EMP2: variants seen among roughly 807,000 people sequenced by gnomAD.
The protein encoded by EMP2 is epithelial membrane protein 2.
A neutral mutation model predicts 13.7 loss-of-function variants in EMP2; 19 were observed. That is an observed-to-expected ratio of 1.38 (90% CI 0.97 to 2.03). EMP2 has a LOEUF of 2.03. Among genes scored for constraint, EMP2 ranks in the 30% most tolerant of loss-of-function variants. The pLI is 0.00. For synonymous variants in EMP2, 97 were observed against 84.7 expected (o/e 1.15, Z -0.80); for missense variants, 253 against 220.7 (o/e 1.15, Z -0.93).
rs8062279 is a variant in EMP2 at position 10,551,922 on chromosome 16, G to A, written c.-60-4245C>T. ...TTGAGACCCAGGACACACTAACAATGAGCCAGGAGCTGTATGGCTGCAGAA... is the reference window on the plus strand; with the variant it reads ...TTGAGACCCAGGACACACTAACAATAAGCCAGGAGCTGTATGGCTGCAGAA... On this transcript the variant is annotated intron_variant, in intron 1 of 4. Coordinates refer to ENST00000359543, the MANE Select transcript of EMP2 (RefSeq NM_001424.6). 7.5e-3 allele frequency among the ~76,000 whole-genome samples: 1,137 copies of A among 152,190 alleles called. 8 individuals are homozygous for A. Among genetic ancestry groups the A allele is most frequent in the Non-Finnish European group, 0.013 (863 of 68,026 alleles).
intron 1 of EMP2, among the ~76,000 whole-genome samples, chr16:10,566,853 T>TA (rs555979749): frequency 5.3e-5 from 8 of 151,350 alleles, no homozygotes; most frequent in Admixed American, 1.3e-4. Context: ...CACAGAGAGC[T>TA]AAAAAAAAAC....
At chr16:10,534,564 G>C (rs533815887) in intron 4 of EMP2, among the ~76,000 whole-genome samples, 3 of 151,914 alleles carry the variant, frequency 2.0e-5, no homozygotes, top group Non-Finnish European at 4.4e-5. Flanking sequence ...CCAGGAGCTC[G>C]AGACCAGCCT....
At chr16:10,555,280 C>T (rs181200753) in intron 1 of EMP2, among the ~76,000 whole-genome samples, 16 of 152,264 alleles carry the variant, frequency 1.1e-4, no homozygotes, top group African/African-American at 2.9e-4. Context: ...CACTTTGAAG[C>T]ATAACTTTCG....
chr16:10,551,544 C>T (rs1186058361), intron 1 of EMP2, among the ~76,000 whole-genome samples: 8 of 152,100 alleles, frequency 5.3e-5, no homozygotes, highest in African/African-American at 1.9e-4. Flanking sequence ...GTAGCTGGGA[C>T]TACAGGCACG....
chr16:10,541,154 G>C (rs1238982981), intron 3 of EMP2, among the ~76,000 whole-genome samples: 1 of 151,916 alleles, frequency 6.6e-6, no homozygotes, highest in Non-Finnish European at 1.5e-5. Context: ...AAAAACCCCA[G>C]CACTTTGGGA....
At chr16:10,567,523 C>T (rs976754938) in intron 1 of EMP2, among the ~76,000 whole-genome samples, 12 of 152,312 alleles carry the variant, frequency 7.9e-5, no homozygotes, top group African/African-American at 2.4e-4. Context: ...GGCTCTGGAA[C>T]ACACCAAGGT....
intron 1 of EMP2, among the ~76,000 whole-genome samples, chr16:10,550,916 A>G (rs188583472): frequency 1.2e-3 from 179 of 152,030 alleles, no homozygotes; most frequent in Non-Finnish European, 8.4e-4. Context: ...CAGAGGTTGC[A>G]CTGAGCCAAG....
intron 3 of EMP2, 85 bp from the exon 4 acceptor site, chr16:10,538,159 G>A (rs2050665528): frequency 6.5e-7 from 1 of 1,536,154 alleles, no homozygotes; most frequent in East Asian, 2.3e-5. Flanking sequence ...CAGCTCCAGA[G>A]TAGGTGTGAC....
chr16:10,542,198 G>C (rs1469304823), intron 3 of EMP2, among the ~76,000 whole-genome samples: 2 of 152,192 alleles, frequency 1.3e-5, no homozygotes, highest in East Asian at 3.9e-4. Flanking sequence ...AGGAGTTCGA[G>C]ACCAGCCTGG....
intron 1 of EMP2, among the ~76,000 whole-genome samples, chr16:10,553,318 T>C (rs1327596043): frequency 7.2e-5 from 11 of 152,250 alleles, no homozygotes; most frequent in Admixed American, 3.9e-4. Flanking sequence ...AGAACACTTA[T>C]TCTTCACTCC....
intron 1 of EMP2, among the ~76,000 whole-genome samples, chr16:10,562,588 C>T (rs1330000540): frequency 6.6e-6 from 1 of 152,148 alleles, no homozygotes; most frequent in Non-Finnish European, 1.5e-5. Context: ...AACCACCCAG[C>T]TGAGCTCAGC....
intron 1 of EMP2, among the ~76,000 whole-genome samples, chr16:10,570,408 A>AT (rs2050938920): frequency 6.6e-6 from 1 of 151,640 alleles, no homozygotes; most frequent in African/African-American, 2.4e-5. Context: ...ATTTTATTTT[A>AT]TTTTTTGAGA....
intron 1 of EMP2, among the ~76,000 whole-genome samples, chr16:10,554,035 CTTTT>C (rs34514394): frequency 5.8e-5 from 8 of 138,132 alleles, no homozygotes; most frequent in Non-Finnish European, 1.2e-4. Context: ...TTCTTTCTTT[CTTTT>C]TTTTTTTTTT....
At position 10,531,777 on chromosome 16, in the gene EMP2, A is replaced by C. The variant is rs1272165762; in HGVS notation, c.*1128T>G. 6.5e-6 allele frequency: 1 copy of C among 154,156 alleles called. No homozygotes were observed. Among genetic ancestry groups the C allele is most frequent in the East Asian group, 2.0e-4 (1 of 4,920 alleles). The allele number at this position is 154,156 out of a possible 1,614,324, so 9.5% of individuals were successfully genotyped here. ...AATGAATGAATGAATGAATGAATGAATGAATGAATGAATGGTGGATGGGTC... is the reference window on the plus strand; with the variant it reads ...AATGAATGAATGAATGAATGAATGACTGAATGAATGAATGGTGGATGGGTC... On this transcript the variant is annotated 3_prime_UTR_variant, in exon 5 of 5. Coordinates refer to ENST00000359543, the MANE Select transcript of EMP2 (RefSeq NM_001424.6).
rs1478992748 is a variant in EMP2 at position 10,529,254 on chromosome 16, G to A, written c.*3651C>T. On this transcript the variant is annotated 3_prime_UTR_variant, in exon 5 of 5. Coordinates refer to ENST00000359543, the MANE Select transcript of EMP2 (RefSeq NM_001424.6). ...TGGTCCTAATATGTGCTTCTTGGAT[G>A]TCTACTAATTTTGTTGTTGTTATTG... The A allele has an allele frequency of 1.3e-5, 2 of 152,198 alleles. No individual in the cohort carries two copies. The highest frequency in any genetic ancestry group is 3.9e-4 in the East Asian group (2 of 5,190). The allele number at this position is 152,198 out of a possible 1,614,324, so 9.4% of individuals were successfully genotyped here. A position where few individuals can be genotyped will look rare whatever the true frequency, so the allele number is the denominator to read the frequency against.
At chr16:10,553,842 G>A (rs966984268) in intron 1 of EMP2, among the ~76,000 whole-genome samples, 6 of 152,120 alleles carry the variant, frequency 3.9e-5, no homozygotes, top group African/African-American at 1.4e-4. Context: ...TTATTTCTTT[G>A]CACACATTGC....
At chr16:10,538,159 G>T in intron 3 of EMP2, 85 bp from the exon 4 acceptor site, 1 of 1,536,152 alleles carries the variant, frequency 6.5e-7, no homozygotes, top group African/African-American at 1.4e-5. Flanking sequence ...CAGCTCCAGA[G>T]TAGGTGTGAC....
chr16:10,528,868 A>C lies in EMP2; in HGVS notation c.*4037T>G, dbSNP rs1258400505. 1 of 152,238 alleles carries C rather than the reference A, an allele frequency of 6.6e-6. No individual in the cohort carries two copies. The highest frequency in any genetic ancestry group is 2.4e-5 in the African/African-American group (1 of 41,462). The allele number at this position is 152,238 out of a possible 1,614,324, so 9.4% of individuals were successfully genotyped here. A position where few individuals can be genotyped will look rare whatever the true frequency, so the allele number is the denominator to read the frequency against. On this transcript the variant is annotated 3_prime_UTR_variant, in exon 5 of 5. Coordinates refer to ENST00000359543, the MANE Select transcript of EMP2 (RefSeq NM_001424.6). The stretch of plus-strand genomic sequence containing the variant: ...CTAGGCCACTGTGTTTAGTGTGTTT[A>C]CAAACAGGCTTGGAGTTCTAGGTTT...
chr16:10,528,932 G>C lies in EMP2; in HGVS notation c.*3973C>G, dbSNP rs1478372840. On this transcript the variant is annotated 3_prime_UTR_variant, in exon 5 of 5. Transcript: ENST00000359543. ...GAACACAGAGCGTCCTAGAGCGCCA[G>C]CCTGTTCATGAGGGGTGTCCACAAA... The C allele has an allele frequency of 6.6e-6, 1 of 152,344 alleles. No individual in the cohort carries two copies. Among genetic ancestry groups the C allele is most frequent in the Non-Finnish European group, 1.5e-5 (1 of 68,042 alleles). 9.4% of individuals were successfully genotyped at this position (152,344 alleles called of 1,614,324 possible). A position where few individuals can be genotyped will look rare whatever the true frequency, so the allele number is the denominator to read the frequency against.
Sources: gnomAD v4.1 joint callset for allele counts (sites outside exome capture counted in the v4.1 genomes callset) on GRCh38, gnomAD v4.1.1 for gene constraint, MANE v1.5 for transcripts, NCBI Gene and HGNC (gene_info 2026-07-23, HGNC 2026-07-21) for gene names.